OSBPL9: variants seen among roughly 807,000 people sequenced by gnomAD.
OSBPL9 encodes the protein oxysterol-binding protein-related protein 9.
Under a neutral mutation model 106.6 loss-of-function variants are expected in OSBPL9, and 40 were observed. The observed-to-expected ratio is 0.38, with a 90% CI of 0.29 to 0.49. The LOEUF is 0.49. Among genes scored for constraint, OSBPL9 ranks in the 20% least tolerant of loss-of-function variants. The pLI is 0.97. For synonymous variants in OSBPL9, 269 were observed against 295.4 expected (o/e 0.91, Z 0.92); for missense variants, 609 against 887.2 (o/e 0.69, Z 3.98).
At chr1:51,583,663 A>G (rs537100335) in intron 1 of OSBPL9, 1 of 152,436 alleles carries the variant, frequency 6.6e-6, no homozygotes, top group African/African-American at 2.4e-5. Context: ...ATGTCCAAGT[A>G]TCCATGATTC....
At chr1:51,711,164 C>A (rs915532027) in intron 3 of OSBPL9, among the ~76,000 whole-genome samples, 2 of 151,996 alleles carry the variant, frequency 1.3e-5, no homozygotes, top group African/African-American at 4.8e-5. Context: ...CCTTTCCCCC[C>A]TTTCTATTCC....
At chr1:51,537,220 A>G in the OSBPL9 span, among the ~76,000 whole-genome samples, 1 of 152,146 alleles carries the variant, frequency 6.6e-6, no homozygotes, top group Non-Finnish European at 1.5e-5. Context: ...CATTACCCTT[A>G]TTATTTTTTA....
intron 2 of OSBPL9, among the ~76,000 whole-genome samples, chr1:51,606,874 C>T (rs1447190164): frequency 1.3e-5 from 2 of 151,846 alleles, no homozygotes; most frequent in Admixed American, 6.6e-5. Context: ...CGGTGAAACC[C>T]GGTCTCTCCT....
At chr1:51,540,971 CA>C in the OSBPL9 span, among the ~76,000 whole-genome samples, 73 of 135,742 alleles carry the variant, frequency 5.4e-4, no homozygotes, top group African/African-American at 1.8e-3. Context: ...AAAAAAAAAA[CA>C]AAAAAAAAAT....
chr1:51,592,566 G>A (rs1645282541), intron 1 of OSBPL9, among the ~76,000 whole-genome samples: 1 of 152,178 alleles, frequency 6.6e-6, no homozygotes, highest in Admixed American at 6.5e-5. Flanking sequence ...AAGGTAAATA[G>A]ACAGTCATTG....
chr1:51,748,311 AT>A, intron 6 of OSBPL9, 57 bp from the exon 7 acceptor site: 2 of 1,494,052 alleles, frequency 1.3e-6, no homozygotes, highest in South Asian at 1.4e-5. Context: ...CCAGTAAAAA[AT>A]AACCGTCCTT....
the OSBPL9 span, among the ~76,000 whole-genome samples, chr1:51,525,809 G>C: frequency 6.6e-6 from 1 of 152,282 alleles, no homozygotes; most frequent in East Asian, 1.9e-4. Flanking sequence ...CAGTGCAGTG[G>C]CACGATCATG....
intron 1 of OSBPL9, among the ~76,000 whole-genome samples, chr1:51,586,699 CA>C: frequency 6.6e-6 from 1 of 152,298 alleles, no homozygotes. Flanking sequence ...AGGTGCGGGT[CA>C]CAATGGAAGC....
In OSBPL9 at chr1:51,770,907, C is replaced by CA. The variant is rs536224529; in HGVS notation, c.939-1159dup. ...TGGATACATGTTGTCATATATTTAT[C>CA]AAAACCGATAGAACAGGCAACTCCA... is the stretch of plus-strand genomic sequence containing the variant. On this transcript the variant is annotated intron_variant, in intron 12 of 23. Transcript: ENST00000428468. Among the ~76,000 whole-genome samples, 970 of 152,174 alleles carry CA rather than the reference C, an allele frequency of 6.4e-3. 7 individuals are homozygous for CA. The highest frequency in any genetic ancestry group is 0.011 in the Non-Finnish European group (757 of 67,994).
In OSBPL9 at chr1:51,731,370, G is replaced by A. The variant is rs540666734; in HGVS notation, c.319-14166G>A. Among the ~76,000 whole-genome samples the A allele has an allele frequency of 2.1e-4, 32 of 152,246 alleles. No homozygotes were observed. In the South Asian group the frequency reaches 6.6e-3, roughly 32 times the overall value. On this transcript the variant is annotated intron_variant, in intron 4 of 23. Coordinates refer to ENST00000428468, the MANE Select transcript of OSBPL9 (RefSeq NM_024586.6). Reference sequence around the variant, plus strand: ...GGAAGCTGAGGCGGAAGGATCCCTTGAGCCCAGAAGTTTGAGGTTGCGGTG... The same window carrying A: ...GGAAGCTGAGGCGGAAGGATCCCTTAAGCCCAGAAGTTTGAGGTTGCGGTG...
At chr1:51,764,882 G>A (rs1472145337) in intron 11 of OSBPL9, among the ~76,000 whole-genome samples, 2 of 152,168 alleles carry the variant, frequency 1.3e-5, no homozygotes, top group African/African-American at 4.8e-5. Context: ...ATTGTGCCTA[G>A]CCTGGATTCA....
At chr1:51,733,673 G>A (rs1372464182) in intron 4 of OSBPL9, among the ~76,000 whole-genome samples, 1 of 152,086 alleles carries the variant, frequency 6.6e-6, no homozygotes, top group Non-Finnish European at 1.5e-5. Context: ...CACTTGGGGG[G>A]CTGAGGCAGG....
In OSBPL9 at chr1:51,701,998, T is replaced by C. The variant is rs571197482; in HGVS notation, c.242-12005T>C. 3.4e-4 allele frequency among the ~76,000 whole-genome samples: 52 copies of C among 152,366 alleles called. 1 individual carries two copies. Among genetic ancestry groups the C allele is most frequent in the African/African-American group, 1.2e-3 (51 of 41,584 alleles). On this transcript the variant is annotated intron_variant, in intron 3 of 23. Coordinates refer to ENST00000428468, the MANE Select transcript of OSBPL9 (RefSeq NM_024586.6). ...GAACTCATCATTTTTTATGGCTGCA[T>C]AGTATTCCATGGTGTATATGTGCCA...
At chr1:51,604,945 C>A (rs1212421138) in intron 2 of OSBPL9, among the ~76,000 whole-genome samples, 1 of 152,216 alleles carries the variant, frequency 6.6e-6, no homozygotes, top group African/African-American at 2.4e-5. Context: ...AGCCACCGCA[C>A]CTGGCCTAGC....
chr1:51,729,357 C>T lies in OSBPL9; in HGVS notation c.318+15278C>T, dbSNP rs856600. 0.088 allele frequency: 13,365 copies of T among 152,306 alleles called. 878 individuals are homozygous for T. Among genetic ancestry groups the T allele is most frequent in the East Asian group, 0.23 (1,179 of 5,144 alleles). 9.4% of individuals were successfully genotyped at this position (152,306 alleles called of 1,614,324 possible). A position where few individuals can be genotyped will look rare whatever the true frequency, so the allele number is the denominator to read the frequency against. ...CACAGCTGCCATAAACTGGATGGCACGTTAGAAGCCGGTGGGTGTAGGTGA... is the reference window on the plus strand; with the variant it reads ...CACAGCTGCCATAAACTGGATGGCATGTTAGAAGCCGGTGGGTGTAGGTGA... On this transcript the variant is annotated intron_variant, in intron 4 of 23. Transcript: ENST00000428468. This position sits in a 1 kb window ranked among gnomAD's most constrained non-coding sequence, Gnocchi z 5.1.
intron 1 of OSBPL9, among the ~76,000 whole-genome samples, chr1:51,596,979 T>C (rs1301728516): frequency 6.6e-6 from 1 of 152,036 alleles, no homozygotes; most frequent in Admixed American, 6.5e-5. Flanking sequence ...TGGAGAAAGC[T>C]TTCATGCTGG....
At chr1:51,567,092 C>A in the OSBPL9 span, 1 of 152,196 alleles carries the variant, frequency 6.6e-6, no homozygotes, top group East Asian at 1.9e-4. Flanking sequence ...TCTAAGAATT[C>A]AATTCTCCCT....
Position 51,760,684 on chromosome 1 carries a change from T to C in OSBPL9, c.583-6T>C, listed in dbSNP as rs1671301489. Reference sequence around the variant, plus strand: ...AAAATAGCTATATTGTGTTTCTTTATTTTAGAGTACTATTAATCCCGTAGA... The same window carrying C: ...AAAATAGCTATATTGTGTTTCTTTACTTTAGAGTACTATTAATCCCGTAGA... On this transcript the variant is annotated splice_region_variant and splice_polypyrimidine_tract_variant and intron_variant, in intron 9 of 23. Transcript: ENST00000428468. 1 of 1,613,654 alleles carries C rather than the reference T, an allele frequency of 6.2e-7. No homozygotes were observed. The highest frequency in any genetic ancestry group is 8.5e-7 in the Non-Finnish European group (1 of 1,179,738).
At chr1:51,573,347 A>G (rs946091589), upstream of OSBPL9, among the ~76,000 whole-genome samples, 5 of 151,438 alleles carry the variant, frequency 3.3e-5, no homozygotes, top group African/African-American at 1.2e-4. Flanking sequence ...TGTCTCTACT[A>G]AAAATACAAA....
Sources: allele counts gnomAD v4.1 joint callset (sites outside exome capture counted in the v4.1 genomes callset), GRCh38; gene constraint gnomAD v4.1.1; non-coding constraint Gnocchi (gnomAD v3.1); transcripts MANE v1.5; gene names NCBI Gene and HGNC (gene_info 2026-07-23, HGNC 2026-07-21).